The following ZNF709 variants were observed in gnomAD, a reference collection of about 807,000 sequenced individuals.
ZNF709 encodes zinc finger protein 709.
In ZNF709, 15 loss-of-function variants were observed where a neutral mutation model predicts 10.6. The observed-to-expected ratio is 1.41, with a 90% CI of 0.95 to 2.18. ZNF709 has a LOEUF of 2.18. Ranked by LOEUF, ZNF709 falls within the 30% of genes most tolerant of loss-of-function variation. The pLI, the probability that ZNF709 is intolerant of heterozygous loss-of-function variation, is 0.00. For synonymous variants in ZNF709, 194 were observed against 238.8 expected (o/e 0.81, Z 1.73); for missense variants, 589 against 774.0 (o/e 0.76, Z 2.84).
At position 12,470,829 on chromosome 19, in the gene ZNF709, A is replaced by T. The variant is rs146465551; in HGVS notation, c.4-3979T>A. Among the ~76,000 whole-genome samples, 949 of 151,746 alleles carry T rather than the reference A, an allele frequency of 6.3e-3. 7 individuals carry two copies. Among genetic ancestry groups the T allele is most frequent in the African/African-American group, 0.022 (909 of 41,342 alleles). The stretch of plus-strand genomic sequence containing the variant: ...GTAGTCCCAGCTACTCGGGAGGCTG[A>T]GGCAGGAGAATGGCGTGAACCCGGG... On this transcript the variant is annotated intron_variant, in intron 1 of 3. Transcript: ENST00000397732.
chr19:12,481,086 T>A, intron 1 of ZNF709: 1 of 853,282 alleles, frequency 1.2e-6, no homozygotes, highest in Non-Finnish European at 1.4e-6. Context: ...GCCTGGCCTC[T>A]TTTAAATTTC....
At chr19:12,473,206 G>C (rs891435535) in intron 1 of ZNF709, among the ~76,000 whole-genome samples, 6 of 152,128 alleles carry the variant, frequency 3.9e-5, no homozygotes, top group Admixed American at 6.6e-5. Context: ...TTTCACAAGA[G>C]CAAAAAATGA....
intron 1 of ZNF709, among the ~76,000 whole-genome samples, chr19:12,474,356 A>G (rs181913063): frequency 5.2e-4 from 79 of 152,332 alleles, no homozygotes; most frequent in Admixed American, 3.2e-3. Flanking sequence ...TGGTGTTGTC[A>G]ATGGCAGGAT....
intron 1 of ZNF709, among the ~76,000 whole-genome samples, chr19:12,474,480 T>C (rs1970660944): frequency 6.6e-6 from 1 of 152,232 alleles, no homozygotes; most frequent in Non-Finnish European, 1.5e-5. Context: ...AATGATGCAA[T>C]GAACATGGGA....
Position 12,462,025 on chromosome 19 carries a change from T to C in ZNF709, c.*1971A>G, listed in dbSNP as rs1349110467. 1 of 151,752 alleles carries C rather than the reference T, an allele frequency of 6.6e-6. No individual in the cohort carries two copies. The highest frequency in any genetic ancestry group is 1.9e-4 in the East Asian group (1 of 5,190). The allele number at this position is 151,752 out of a possible 1,614,324, so 9.4% of individuals were successfully genotyped here. ...AGGCAGAGGTTGCAGTGAGCCAAGA[T>C]CGTACCACTGCACTCCAGCCTGGGC... On this transcript the variant is annotated 3_prime_UTR_variant, in exon 4 of 4. Transcript: ENST00000397732.
rs779513337 is a variant in ZNF709, at chr19:12,465,455, C to T, written c.467G>A (p.Arg156Gln). 3.0e-5 allele frequency: 49 copies of T among 1,610,622 alleles called. No homozygotes were observed. The highest frequency in any genetic ancestry group is 5.4e-5 in the African/African-American group (4 of 74,664). Residue 156 changes from arginine to glutamine, a missense_variant, in exon 4 of 4, where the codon CGA (arginine) becomes CAA (glutamine). Physicochemically the swap from Arg to Gln is conservative, Grantham distance 43. Coordinates refer to ENST00000397732, the MANE Select transcript of ZNF709 (RefSeq NM_152601.4). ...TCCAGTGTGAGTTCTTTCATGTATT[C>T]GAAATGAACTTCGAAAGCTGAATCT... is the stretch of plus-strand genomic sequence containing the variant. The part of the protein sequence containing the change: ...GKRFSFRSSF[R>Q]IHERTHTGEK...
intron 1 of ZNF709, among the ~76,000 whole-genome samples, chr19:12,468,118 G>A (rs1220390532): frequency 6.6e-6 from 1 of 151,480 alleles, no homozygotes; most frequent in Non-Finnish European, 1.5e-5. Context: ...AGGAGGTGGG[G>A]GGCGCCTCTG....
In ZNF709 at chr19:12,461,430, T is replaced by C. The variant is rs1368506419; in HGVS notation, c.*2566A>G. On this transcript the variant is annotated 3_prime_UTR_variant, in exon 4 of 4. Transcript: ENST00000397732. The stretch of plus-strand genomic sequence containing the variant: ...CTGCTTGATATTAGGAAGGTGCTTA[T>C]TCTTACACTGTAGGACTGGGTAAGT... 6.6e-6 allele frequency: 1 copy of C among 152,118 alleles called. No individual in the cohort carries two copies. Among genetic ancestry groups the C allele is most frequent in the Non-Finnish European group, 1.5e-5 (1 of 68,030 alleles). 9.4% of individuals were successfully genotyped at this position (152,118 alleles called of 1,614,324 possible).
In ZNF709 at chr19:12,464,675, C is replaced by T. The variant is rs770860310; in HGVS notation, c.1247G>A (p.Gly416Glu). Residue 416 changes from glycine (G) to glutamate (E), a missense_variant, in exon 4 of 4, where the codon GGA (glycine) becomes GAA (glutamate). This residue lies in a region of ZNF709 where 418 missense variants were observed against 496.3 expected (regional missense o/e 0.84). Coordinates refer to ENST00000397732, the MANE Select transcript of ZNF709 (RefSeq NM_152601.4). Reference protein sequence around the residue: ...SFRMHERTHTGEKPHECKQCG... With the variant: ...SFRMHERTHTEEKPHECKQCG... ...TTGTTTACATTCATGGGGTTTCTCT[C>T]CAGTGTGAGTTCTTTCATGCATTCG... 8.1e-6 allele frequency: 13 copies of T among 1,612,518 alleles called. No homozygotes were observed. The highest frequency in any genetic ancestry group is 1.1e-5 in the Non-Finnish European group (13 of 1,179,228).
chr19:12,483,379 C>T (rs1248420848), intron 1 of ZNF709, among the ~76,000 whole-genome samples: 1 of 147,956 alleles, frequency 6.8e-6, no homozygotes, highest in East Asian at 2.0e-4. Flanking sequence ...GTCTTGAACT[C>T]CTGAGCTCAA....
At chr19:12,466,392 A>G in intron 3 of ZNF709, 70 bp downstream of exon 3, 1 of 1,436,410 alleles carries the variant, frequency 7.0e-7, no homozygotes, top group South Asian at 1.3e-5. Context: ...TCAATTATTC[A>G]TTTTTTAAAC....
chr19:12,484,383 C>A (rs914010390), intron 1 of ZNF709, among the ~76,000 whole-genome samples: 1 of 152,194 alleles, frequency 6.6e-6, no homozygotes, highest in African/African-American at 2.4e-5. Context: ...TGGGGAGACG[C>A]GAGGCTGCGG....
At chr19:12,467,509 T>C (rs1476566089) in intron 1 of ZNF709, among the ~76,000 whole-genome samples, 9 of 152,210 alleles carry the variant, frequency 5.9e-5, no homozygotes, top group African/African-American at 2.2e-4. Context: ...ACCTCCCAGC[T>C]GCCTGCCTTG....
Position 12,484,721 on chromosome 19 carries a change from C to A in ZNF709, c.-64G>T. The stretch of plus-strand genomic sequence containing the variant: ...CTCCCGCGGCCAGCACAGGTCCTAC[C>A]TCCACCTGAGGCCCTTCCTCCACCT... On this transcript the variant is annotated 5_prime_UTR_variant, in exon 1 of 4. The change creates a new upstream start codon in the 5' untranslated region. Transcript: ENST00000397732. 8.1e-6 allele frequency: 13 copies of A among 1,612,438 alleles called. No homozygotes were observed. Among genetic ancestry groups the A allele is most frequent in the South Asian group, 4.4e-5 (4 of 90,952 alleles).
intron 1 of ZNF709, among the ~76,000 whole-genome samples, chr19:12,467,418 C>T (rs1020806602): frequency 6.6e-6 from 1 of 152,260 alleles, no homozygotes; most frequent in Non-Finnish European, 1.5e-5. Flanking sequence ...GCCGTGATTG[C>T]AGACGGAGTC....
intron 1 of ZNF709, among the ~76,000 whole-genome samples, chr19:12,477,979 T>C (rs969797526): frequency 2.6e-5 from 4 of 152,174 alleles, no homozygotes; most frequent in Non-Finnish European, 4.4e-5. Flanking sequence ...ACCTGGGCCT[T>C]AAGCTGGCTT....
Position 12,465,726 on chromosome 19 carries a change from T to C in ZNF709, c.196A>G (p.Met66Val). ...TTCCTTTCACAGAGCCTCTCTACCATATGACTTCTGTGAGAAAAAAACAAA... is the reference window on the plus strand; with the variant it reads ...TTCCTTTCACAGAGCCTCTCTACCACATGACTTCTGTGAGAAAAAAACAAA... ...KNQGRKLRSH[M>V]VERLCERKEG... The change falls in exon 4 of 4, where the codon ATG (methionine) becomes GTG (valine). Residue 66 changes from methionine to valine, a missense_variant. Physicochemically the swap from Met to Val is conservative, Grantham distance 21. Transcript: ENST00000397732. 2 of 1,532,288 alleles carry C rather than the reference T, an allele frequency of 1.3e-6. No homozygotes were observed. Among genetic ancestry groups the C allele is most frequent in the Non-Finnish European group, 1.7e-6 (2 of 1,146,464 alleles). 94.9% of individuals were successfully genotyped at this position (1,532,288 alleles called of 1,614,324 possible).
chr19:12,472,037 T>C (rs1052871522), intron 1 of ZNF709, among the ~76,000 whole-genome samples: 10 of 151,890 alleles, frequency 6.6e-5, no homozygotes, highest in South Asian at 2.1e-4. Flanking sequence ...TAAAAATAAA[T>C]GAACAGTCAG....
chr19:12,464,001 C>T lies in ZNF709; in HGVS notation c.1921G>A (p.Glu641Lys), dbSNP rs770296077. 18 of 1,472,750 alleles carry T rather than the reference C, an allele frequency of 1.2e-5. No individual in the cohort carries two copies. The highest frequency in any genetic ancestry group is 1.6e-5 in the Non-Finnish European group (18 of 1,111,898). The allele number at this position is 1,472,750 out of a possible 1,614,324, so 91.2% of individuals were successfully genotyped here. The part of the protein sequence containing the change: ...FRIHERVHSG[E>K] ...TATTGCTTATATACATAGGGTTACT[C>T]TCCACTATGAACTCTTTCATGTATT... Residue 641 changes from glutamate to lysine, a missense_variant, in exon 4 of 4, where the codon GAG (glutamate) becomes AAG (lysine). Transcript: ENST00000397732.
Sources: allele counts gnomAD v4.1 joint callset (sites outside exome capture counted in the v4.1 genomes callset), GRCh38; gene constraint gnomAD v4.1.1; regional missense constraint gnomAD v4.1.1; transcripts MANE v1.5; gene names NCBI Gene and HGNC (gene_info 2026-07-23, HGNC 2026-07-21).